Variants in NFIA observed in about 807,000 individuals in gnomAD.
The protein encoded by NFIA is nuclear factor 1 A-type.
A neutral mutation model predicts 62.8 loss-of-function variants in NFIA; 8 were observed. The ratio of observed to expected loss-of-function variants is 0.13; its 90% CI spans 0.07 to 0.23. The LOEUF is 0.23. Ranked by LOEUF, NFIA falls within the 10% of genes least tolerant of loss-of-function variation. The probability of loss-of-function intolerance (pLI) is 1.00; values close to 1 mark genes in which losing one functional copy is unlikely to be tolerated. For synonymous variants in NFIA, 235 were observed against 238.1 expected (o/e 0.99, Z 0.12); for missense variants, 410 against 642.1 (o/e 0.64, Z 3.91).
chr1:61,132,234 C>T (rs1301094777), intron 2 of NFIA, among the ~76,000 whole-genome samples: 1 of 152,142 alleles, frequency 6.6e-6, no homozygotes, highest in South Asian at 2.1e-4. Flanking sequence ...GTCAAGCCAG[C>T]CTGTCCACTC....
chr1:61,421,198 T>C (rs1666603014), intron 9 of NFIA, among the ~76,000 whole-genome samples: 1 of 152,172 alleles, frequency 6.6e-6, no homozygotes, highest in African/African-American at 2.4e-5. Context: ...ATATTACTTT[T>C]TAGGCACTCA....
chr1:61,124,524 T>G (rs1203908049), intron 2 of NFIA, among the ~76,000 whole-genome samples: 1 of 152,190 alleles, frequency 6.6e-6, no homozygotes, highest in East Asian at 1.9e-4. Flanking sequence ...TCCAGGTATT[T>G]GAATACTGAG....
intron 4 of NFIA, among the ~76,000 whole-genome samples, chr1:61,337,840 A>C (rs1661694822): frequency 6.6e-6 from 1 of 152,160 alleles, no homozygotes; most frequent in Admixed American, 6.5e-5. Context: ...TGTTTTCCTC[A>C]AAGTATGAGT....
At chr1:61,146,060 C>T (rs1186591823) in intron 2 of NFIA, among the ~76,000 whole-genome samples, 1 of 152,164 alleles carries the variant, frequency 6.6e-6, no homozygotes, top group Non-Finnish European at 1.5e-5. Flanking sequence ...GTTCCGAGGA[C>T]TGGTTCCTTC....
intron 3 of NFIA, among the ~76,000 whole-genome samples, chr1:61,280,555 A>T (rs968755193): frequency 6.6e-6 from 1 of 152,230 alleles, no homozygotes; most frequent in Admixed American, 6.5e-5. Context: ...CTAGTAAACC[A>T]TGGAGAATGA....
intron 10 of NFIA, among the ~76,000 whole-genome samples, chr1:61,452,904 TAA>T (rs1311060702): frequency 1.3e-5 from 2 of 151,926 alleles, no homozygotes; most frequent in Non-Finnish European, 2.9e-5. Flanking sequence ...CTTAAGCAGC[TAA>T]AGTATTTCAT....
chr1:61,183,658 G>A (rs1321586491), intron 2 of NFIA, among the ~76,000 whole-genome samples: 1 of 152,160 alleles, frequency 6.6e-6, no homozygotes, highest in South Asian at 2.1e-4. Flanking sequence ...TTGGTTTTCT[G>A]TTGTGTCTGG....
chr1:61,209,112 AAG>A (rs954748785), intron 2 of NFIA, among the ~76,000 whole-genome samples: 2 of 152,224 alleles, frequency 1.3e-5, no homozygotes, highest in South Asian at 2.1e-4. Context: ...TAAAAAACAC[AAG>A]AGTTTTGTTT....
chr1:61,336,978 CAGTT>C (rs1221633424), intron 4 of NFIA, among the ~76,000 whole-genome samples: 1 of 152,056 alleles, frequency 6.6e-6, no homozygotes, highest in Non-Finnish European at 1.5e-5. Flanking sequence ...ACTAGGTTTC[CAGTT>C]AGTTTTTGTT....
intron 3 of NFIA, among the ~76,000 whole-genome samples, chr1:61,279,802 A>G (rs1256744621): frequency 1.3e-5 from 2 of 152,120 alleles, no homozygotes; most frequent in African/African-American, 4.8e-5. Flanking sequence ...TGCAATCCCA[A>G]TATTGTGTGT....
intron 3 of NFIA, among the ~76,000 whole-genome samples, chr1:61,297,175 G>A (rs993237785): frequency 3.3e-5 from 5 of 152,046 alleles, no homozygotes; most frequent in African/African-American, 9.7e-5. Flanking sequence ...TAGATAAAAG[G>A]TTTCTCTAAA....
chr1:61,362,480 AGGAC>A (rs1663350121), intron 6 of NFIA, among the ~76,000 whole-genome samples: 1 of 152,216 alleles, frequency 6.6e-6, no homozygotes, highest in Non-Finnish European at 1.5e-5. Context: ...ATGCTTTTCC[AGGAC>A]TCCCTGGCCA....
chr1:61,205,334 G>A (rs914711011), intron 2 of NFIA, among the ~76,000 whole-genome samples: 2 of 152,116 alleles, frequency 1.3e-5, no homozygotes, highest in African/African-American at 4.8e-5. Flanking sequence ...CCATTTAACA[G>A]ATTTTCTTGA....
At chr1:61,422,459 A>G (rs1666666715) in intron 9 of NFIA, among the ~76,000 whole-genome samples, 1 of 152,204 alleles carries the variant, frequency 6.6e-6, no homozygotes, top group Non-Finnish European at 1.5e-5. Flanking sequence ...TCATCTGGAA[A>G]TGCCATGGTT....
At chr1:61,219,276 G>A (rs1277064514) in intron 2 of NFIA, among the ~76,000 whole-genome samples, 1 of 151,160 alleles carries the variant, frequency 6.6e-6, no homozygotes, top group Non-Finnish European at 1.5e-5. Flanking sequence ...TGCATACTTT[G>A]TAAAAGAATT....
chr1:61,142,644 C>A (rs998044817), intron 2 of NFIA, among the ~76,000 whole-genome samples: 1 of 152,236 alleles, frequency 6.6e-6, no homozygotes, highest in East Asian at 1.9e-4. Context: ...TCTCTAATTC[C>A]TTTACTCGTA....
chr1:61,082,141 C>T (rs1411825335), upstream of NFIA: 5 of 864,582 alleles, frequency 5.8e-6, no homozygotes, highest in Admixed American at 3.2e-5. Context: ...TATAGCTGCC[C>T]GGGAGTACAG....
intron 2 of NFIA, among the ~76,000 whole-genome samples, chr1:61,145,749 C>G (rs987055897): frequency 6.6e-6 from 1 of 152,162 alleles, no homozygotes; most frequent in Admixed American, 6.5e-5. Context: ...ATAATCCAGT[C>G]AAACCATTTG....
At chr1:61,284,695 C>T (rs1327492497) in intron 3 of NFIA, among the ~76,000 whole-genome samples, 1 of 152,104 alleles carries the variant, frequency 6.6e-6, no homozygotes, top group East Asian at 1.9e-4. Context: ...GGCTAGTAGC[C>T]AAAATAGGAA....
Sources: gnomAD v4.1 joint callset for allele counts (sites outside exome capture counted in the v4.1 genomes callset) on GRCh38, gnomAD v4.1.1 for gene constraint, MANE v1.5 for transcripts, NCBI Gene and HGNC (gene_info 2026-07-23, HGNC 2026-07-21) for gene names.